RBFOX1: variants seen among roughly 807,000 people sequenced by gnomAD.
The protein encoded by RBFOX1 is RNA binding fox-1 homolog 1, also known as RNA binding protein fox-1 homolog 1.
Under a neutral mutation model 57.7 loss-of-function variants are expected in RBFOX1, and 8 were observed. The ratio of observed to expected loss-of-function variants is 0.14; its 90% CI spans 0.08 to 0.25. The LOEUF (loss-of-function observed/expected upper bound fraction) is 0.25. Among genes scored for constraint, RBFOX1 ranks in the 10% least tolerant of loss-of-function variants. The pLI, the probability that RBFOX1 is intolerant of heterozygous loss-of-function variation, is 1.00. For missense variants in RBFOX1, 611 were observed against 548.5 expected, an observed-to-expected ratio of 1.11 and a Z score of -1.14; for synonymous variants, 326 against 222.4, an observed-to-expected ratio of 1.47 and a Z score of -4.15.
At chr16:6,845,269 G>A (rs1365807404) in intron 3 of RBFOX1, among the ~76,000 whole-genome samples, 2 of 151,930 alleles carry the variant, frequency 1.3e-5, no homozygotes, top group African/African-American at 2.4e-5. Flanking sequence ...TGTCCTGAAT[G>A]GTATTGCCTA....
At chr16:7,278,457 C>G (rs2095482051) in intron 4 of RBFOX1, among the ~76,000 whole-genome samples, 1 of 152,202 alleles carries the variant, frequency 6.6e-6, no homozygotes, top group Non-Finnish European at 1.5e-5. Flanking sequence ...AGATGATTGA[C>G]TAAATATATT....
At chr16:6,157,678 A>C (rs143774950) in intron 1 of RBFOX1, among the ~76,000 whole-genome samples, 2 of 152,320 alleles carry the variant, frequency 1.3e-5, no homozygotes, top group African/African-American at 4.8e-5. Flanking sequence ...AGTTATATAT[A>C]TATGCCCATA....
chr16:5,472,807 T>G (rs963819697), intron 2 of RBFOX1, among the ~76,000 whole-genome samples: 2 of 152,246 alleles, frequency 1.3e-5, no homozygotes, highest in African/African-American at 4.8e-5. Context: ...ATTTGCCATC[T>G]GATCCTCCAT....
At chr16:6,355,251 A>T (rs1274238912) in intron 2 of RBFOX1, among the ~76,000 whole-genome samples, 1 of 152,088 alleles carries the variant, frequency 6.6e-6, no homozygotes, top group African/African-American at 2.4e-5. Context: ...CATCACCTAC[A>T]TTAGATATTT....
chr16:6,853,906 A>T (rs1214578284), intron 3 of RBFOX1, among the ~76,000 whole-genome samples: 3 of 152,270 alleles, frequency 2.0e-5, no homozygotes, highest in South Asian at 4.1e-4. Flanking sequence ...TGATTTATGC[A>T]AATAATTAGC....
At chr16:5,317,432 A>G (rs1447993280) in intron 1 of RBFOX1, among the ~76,000 whole-genome samples, 1 of 152,152 alleles carries the variant, frequency 6.6e-6, no homozygotes, top group African/African-American at 2.4e-5. Context: ...ACATGGTGAA[A>G]CCCTGTCTCT....
At chr16:7,515,489 A>ACG (rs2076165155) in intron 4 of RBFOX1, among the ~76,000 whole-genome samples, 1 of 152,102 alleles carries the variant, frequency 6.6e-6, no homozygotes, top group African/African-American at 2.4e-5. Context: ...ACACACACAC[A>ACG]CACACACACA....
intron 2 of RBFOX1, among the ~76,000 whole-genome samples, chr16:5,559,380 G>C (rs902135439): frequency 6.6e-6 from 1 of 152,158 alleles, no homozygotes; most frequent in East Asian, 1.9e-4. Flanking sequence ...TGGTGTGGCT[G>C]TGATCCTCAG....
chr16:6,346,161 G>T (rs531555111), intron 2 of RBFOX1, among the ~76,000 whole-genome samples: 12 of 152,174 alleles, frequency 7.9e-5, no homozygotes, highest in African/African-American at 2.9e-4. Context: ...TAATTTGGGG[G>T]GCCCAAGGTA....
At chr16:6,721,938 A>C (rs2066082762) in intron 3 of RBFOX1, 1 of 153,060 alleles carries the variant, frequency 6.5e-6, no homozygotes, top group African/African-American at 2.4e-5. Context: ...CCCTGCTCAA[A>C]GCCAAATCCA....
At chr16:5,511,891 G>A (rs1230555902) in intron 2 of RBFOX1, among the ~76,000 whole-genome samples, 3 of 152,186 alleles carry the variant, frequency 2.0e-5, no homozygotes, top group Non-Finnish European at 2.9e-5. Context: ...TGCATGAAGT[G>A]TATAAAGTAC....
chr16:6,656,064 G>A (rs763098043), intron 3 of RBFOX1, among the ~76,000 whole-genome samples: 1 of 152,168 alleles, frequency 6.6e-6, no homozygotes, highest in Non-Finnish European at 1.5e-5. Flanking sequence ...TTCAATTCAT[G>A]TTTGCATTCA....
At chr16:5,301,752 C>T (rs1267154540) in intron 1 of RBFOX1, among the ~76,000 whole-genome samples, 2 of 151,974 alleles carry the variant, frequency 1.3e-5, no homozygotes, top group Non-Finnish European at 2.9e-5. Context: ...AAAAGAACCA[C>T]GTATTACAGC....
At chr16:6,791,354 C>G (rs1019355918) in intron 3 of RBFOX1, among the ~76,000 whole-genome samples, 1 of 152,130 alleles carries the variant, frequency 6.6e-6, no homozygotes, top group Non-Finnish European at 1.5e-5. Flanking sequence ...TACTTTGCAT[C>G]AAATTATTTC....
At chr16:6,528,614 A>G (rs754686155) in intron 2 of RBFOX1, among the ~76,000 whole-genome samples, 1 of 152,222 alleles carries the variant, frequency 6.6e-6, no homozygotes, top group Admixed American at 6.5e-5. Flanking sequence ...TTTTAAAATG[A>G]CATCTTCATT....
intron 3 of RBFOX1, among the ~76,000 whole-genome samples, chr16:5,741,530 A>G (rs1597057863): frequency 6.6e-6 from 1 of 152,358 alleles, no homozygotes; most frequent in Middle Eastern, 3.4e-3. Flanking sequence ...GTGATTTAGA[A>G]TATCAAGTTG....
At chr16:7,185,646 C>A (rs759083052) in intron 4 of RBFOX1, among the ~76,000 whole-genome samples, 1 of 152,152 alleles carries the variant, frequency 6.6e-6, no homozygotes, top group African/African-American at 2.4e-5. Flanking sequence ...AATCATAAAT[C>A]AATTTAGTTT....
chr16:6,705,863 C>T (rs985613833), intron 3 of RBFOX1, among the ~76,000 whole-genome samples: 6 of 152,026 alleles, frequency 3.9e-5, no homozygotes, highest in Non-Finnish European at 8.8e-5. Flanking sequence ...ACTAAAAATA[C>T]AAACATTAGC....
At chr16:7,546,669 C>G (rs1301242743) in intron 5 of RBFOX1, among the ~76,000 whole-genome samples, 1 of 152,154 alleles carries the variant, frequency 6.6e-6, no homozygotes, top group Admixed American at 6.5e-5. Context: ...ACCATACATA[C>G]AATTCCGAGT....
Sources: gnomAD v4.1 joint callset for allele counts (sites outside exome capture counted in the v4.1 genomes callset) on GRCh38, gnomAD v4.1.1 for gene constraint, MANE v1.5 for transcripts, NCBI Gene and HGNC (gene_info 2026-07-23, HGNC 2026-07-21) for gene names.